The following CSMD1 variants were observed in gnomAD, a reference collection of about 807,000 sequenced individuals.
The protein encoded by CSMD1 is CUB and Sushi multiple domains 1.
CSMD1 carries 213 observed loss-of-function variants against 417.5 expected under a neutral mutation model. The ratio of observed to expected loss-of-function variants is 0.51; its 90% CI spans 0.46 to 0.57. The LOEUF is 0.57. Ranked by LOEUF, CSMD1 falls within the 20% of genes least tolerant of loss-of-function variation. CSMD1 has a pLI of 0.00. For missense variants in CSMD1, 6,923 were observed against 4,529.7 expected (o/e 1.53, Z -15.17); for synonymous variants, 2,862 against 1,736.8 (o/e 1.65, Z -16.11).
At chr8:4,706,900 C>T (rs1003375110) in intron 1 of CSMD1, among the ~76,000 whole-genome samples, 5 of 152,136 alleles carry the variant, frequency 3.3e-5, no homozygotes, top group African/African-American at 4.8e-5. Flanking sequence ...AAAGGCAAGG[C>T]GAAAAGCTTC....
intron 10 of CSMD1, among the ~76,000 whole-genome samples, chr8:3,500,005 G>T (rs1388796710): frequency 1.3e-5 from 2 of 152,058 alleles, no homozygotes; most frequent in East Asian, 2.0e-4. Context: ...GCCTGTGGGG[G>T]CTTTTCTGAA....
At chr8:3,713,288 C>G (rs1801632640) in intron 6 of CSMD1, among the ~76,000 whole-genome samples, 1 of 152,202 alleles carries the variant, frequency 6.6e-6, no homozygotes, top group Non-Finnish European at 1.5e-5. Context: ...AACTCACTTT[C>G]TGTAGGTTGT....
chr8:4,545,964 C>A (rs140849388), intron 2 of CSMD1, among the ~76,000 whole-genome samples: 165 of 150,990 alleles, frequency 1.1e-3, no homozygotes, highest in African/African-American at 3.7e-3. Flanking sequence ...TCTCCCATGT[C>A]GCCTGAATCC....
At chr8:3,709,985 A>T (rs1801416142) in intron 6 of CSMD1, among the ~76,000 whole-genome samples, 1 of 151,752 alleles carries the variant, frequency 6.6e-6, no homozygotes, top group Admixed American at 6.6e-5. Context: ...TGAAAACCTG[A>T]TTATATCTTT....
intron 1 of CSMD1, among the ~76,000 whole-genome samples, chr8:4,851,718 C>G (rs532832216): frequency 1.3e-5 from 2 of 152,294 alleles, no homozygotes; most frequent in East Asian, 3.9e-4. Context: ...ACCCATATGA[C>G]TAACAAGAAC....
intron 12 of CSMD1, among the ~76,000 whole-genome samples, chr8:3,453,186 C>T (rs1051853896): frequency 7.9e-5 from 12 of 152,046 alleles, no homozygotes; most frequent in Admixed American, 2.6e-4. Context: ...TTTATTGCTT[C>T]TATTTGATTC....
intron 4 of CSMD1, among the ~76,000 whole-genome samples, chr8:4,012,729 C>T (rs1326507504): frequency 6.6e-6 from 1 of 152,178 alleles, no homozygotes; most frequent in Non-Finnish European, 1.5e-5. Flanking sequence ...GCAATCCAGA[C>T]TAACTAGCCC....
intron 1 of CSMD1, among the ~76,000 whole-genome samples, chr8:4,838,187 G>A (rs761314609): frequency 2.6e-5 from 4 of 152,134 alleles, no homozygotes; most frequent in Non-Finnish European, 5.9e-5. Flanking sequence ...TGTGTGCAGT[G>A]TTCTCCCCGC....
intron 3 of CSMD1, among the ~76,000 whole-genome samples, chr8:4,337,934 T>C (rs1055972351): frequency 8.5e-5 from 13 of 152,294 alleles, no homozygotes; most frequent in Non-Finnish European, 1.5e-4. Context: ...TATCATTTAA[T>C]GATATCGCAT....
chr8:4,915,026 G>A (rs935393380), intron 1 of CSMD1, among the ~76,000 whole-genome samples: 2 of 152,158 alleles, frequency 1.3e-5, no homozygotes, highest in African/African-American at 2.4e-5. Context: ...TATTAGATAT[G>A]AGAAACTGCA....
At chr8:4,436,300 T>G (rs1349461113) in intron 2 of CSMD1, among the ~76,000 whole-genome samples, 2 of 152,316 alleles carry the variant, frequency 1.3e-5, no homozygotes, top group East Asian at 3.9e-4. Flanking sequence ...TTTTTTCATC[T>G]TATCTGTTTT....
chr8:3,237,078 C>T (rs926000349), intron 26 of CSMD1, among the ~76,000 whole-genome samples: 1 of 152,004 alleles, frequency 6.6e-6, no homozygotes, highest in Non-Finnish European at 1.5e-5. Context: ...TTTCCAACAG[C>T]AGGATTGACA....
At chr8:3,080,394 G>C (rs569806582) in intron 49 of CSMD1, among the ~76,000 whole-genome samples, 2 of 152,204 alleles carry the variant, frequency 1.3e-5, no homozygotes, top group Admixed American at 1.3e-4. Flanking sequence ...TATCAAGGTC[G>C]ATAAGAACCA....
At chr8:4,152,676 C>T (rs541714047) in intron 3 of CSMD1, among the ~76,000 whole-genome samples, 3 of 151,584 alleles carry the variant, frequency 2.0e-5, no homozygotes, top group African/African-American at 7.3e-5. Flanking sequence ...AGCAACAGAG[C>T]GAGACCTTGT....
At chr8:3,362,020 T>G (rs1056384210) in intron 20 of CSMD1, among the ~76,000 whole-genome samples, 3 of 152,204 alleles carry the variant, frequency 2.0e-5, no homozygotes, top group Non-Finnish European at 2.9e-5. Context: ...CCTTCAGAAT[T>G]CCATCTTCTC....
At chr8:3,920,468 T>A (rs546945735) in intron 5 of CSMD1, among the ~76,000 whole-genome samples, 1 of 152,138 alleles carries the variant, frequency 6.6e-6, no homozygotes, top group Admixed American at 6.6e-5. Context: ...GAGTGCCTTT[T>A]ATTCTTTTAC....
chr8:3,808,007 T>A (rs1186800010), intron 5 of CSMD1, among the ~76,000 whole-genome samples: 1 of 152,198 alleles, frequency 6.6e-6, no homozygotes, highest in Non-Finnish European at 1.5e-5. Flanking sequence ...TGCTTTAAAG[T>A]CGTCTCATTC....
At chr8:3,590,274 CA>C (rs1800790594) in intron 8 of CSMD1, among the ~76,000 whole-genome samples, 1 of 151,966 alleles carries the variant, frequency 6.6e-6, no homozygotes, top group Admixed American at 6.6e-5. Flanking sequence ...TTTATATATT[CA>C]AATGATTATA....
intron 4 of CSMD1, among the ~76,000 whole-genome samples, chr8:4,010,344 T>C (rs1162948198): frequency 6.6e-6 from 1 of 152,102 alleles, no homozygotes; most frequent in African/African-American, 2.4e-5. Context: ...CTACTTGAAA[T>C]CCACTATTCC....
Sources: allele counts gnomAD v4.1 joint callset (sites outside exome capture counted in the v4.1 genomes callset), GRCh38; gene constraint gnomAD v4.1.1; transcripts MANE v1.5; gene names NCBI Gene and HGNC (gene_info 2026-07-23, HGNC 2026-07-21).